AAK1: variants seen among roughly 807,000 people sequenced by gnomAD.
The protein encoded by AAK1 is AP2-associated protein kinase 1.
AAK1 carries 37 observed loss-of-function variants against 116.0 expected under a neutral mutation model. That is an observed-to-expected ratio of 0.32 (90% CI 0.25 to 0.42). The LOEUF is 0.42. Ranked by LOEUF, AAK1 falls within the 10% of genes least tolerant of loss-of-function variation. The pLI, the probability that AAK1 is intolerant of heterozygous loss-of-function variation, is 1.00. For synonymous variants in AAK1, 458 were observed against 439.9 expected (o/e 1.04, Z -0.51); for missense variants, 919 against 1,170.6 (o/e 0.79, Z 3.14).
intron 13 of AAK1, among the ~76,000 whole-genome samples, chr2:69,511,171 A>G (rs1676381007): frequency 6.6e-6 from 1 of 152,182 alleles, no homozygotes; most frequent in South Asian, 2.1e-4. Flanking sequence ...TTGCTGCTCC[A>G]TGCTGCAACT....
intron 2 of AAK1, among the ~76,000 whole-genome samples, chr2:69,558,739 T>C (rs13015661): frequency 0.53 from 80,294 of 152,030 alleles, 23,115 homozygotes; most frequent in East Asian, 0.77. Context: ...GACATAGTAC[T>C]GGGTTAGGAG....
At chr2:69,484,889 T>A (rs963466750) in intron 17 of AAK1, among the ~76,000 whole-genome samples, 3 of 144,754 alleles carry the variant, frequency 2.1e-5, no homozygotes, top group South Asian at 2.2e-4. Flanking sequence ...ATAATAATAA[T>A]AAATAAAAAC....
At chr2:69,545,258 C>A (rs1041012806) in intron 3 of AAK1, among the ~76,000 whole-genome samples, 5 of 152,138 alleles carry the variant, frequency 3.3e-5, no homozygotes, top group African/African-American at 9.7e-5. Context: ...CATCTAGGAA[C>A]TGGAAGTGGC....
chr2:69,517,095 T>C (rs1676614500), intron 12 of AAK1: 1 of 152,086 alleles, frequency 6.6e-6, no homozygotes, highest in African/African-American at 2.4e-5. Context: ...ATCAAATATG[T>C]TAAAATCTAA....
In AAK1 at chr2:69,571,271, C is replaced by T. The variant is rs528642117; in HGVS notation, c.164-14293G>A. 2.6e-5 allele frequency among the ~76,000 whole-genome samples: 4 copies of T among 152,220 alleles called. No homozygotes were observed. In the East Asian group the frequency reaches 5.8e-4, roughly 22 times the overall value. On this transcript the variant is annotated intron_variant, in intron 2 of 21. Coordinates refer to ENST00000409085, the MANE Select transcript of AAK1 (RefSeq NM_014911.5). Reference sequence around the variant, plus strand: ...TGGAGTGCATTCTCCCTTGAGAATCCGAAGTGATGACCTAGGAACTGTAAT... The same window carrying T: ...TGGAGTGCATTCTCCCTTGAGAATCTGAAGTGATGACCTAGGAACTGTAAT...
intron 2 of AAK1, among the ~76,000 whole-genome samples, chr2:69,572,620 TAAAA>T (rs768419313): frequency 3.7e-4 from 40 of 106,866 alleles, no homozygotes; most frequent in Middle Eastern, 4.6e-3. Flanking sequence ...ACTCTGTCTT[TAAAA>T]AAAAAAAAAA....
chr2:69,592,399 C>T (rs1221889009), intron 2 of AAK1, among the ~76,000 whole-genome samples: 1 of 152,118 alleles, frequency 6.6e-6, no homozygotes, highest in African/African-American at 2.4e-5. Context: ...TCAAGGGATG[C>T]CAACATCCTA....
chr2:69,487,891 G>A (rs1299403632), intron 17 of AAK1, among the ~76,000 whole-genome samples: 1 of 150,106 alleles, frequency 6.7e-6, no homozygotes, highest in African/African-American at 2.4e-5. Flanking sequence ...CTAGGTTCAA[G>A]CAATTCTCCC....
chr2:69,532,067 G>A lies in AAK1; in HGVS notation c.630C>T (p.Val210=), dbSNP rs780703727. The A allele has an allele frequency of 6.2e-7, 1 of 1,613,504 alleles. No individual in the cohort carries two copies. Among genetic ancestry groups the A allele is most frequent in the Non-Finnish European group, 8.5e-7 (1 of 1,179,548 alleles). ...NKFQNPQTEG[V]NAVEDEIKKY... ...TCTTAATCTCATCTTCTACTGCATTGACTCCCTCAGTTTGTGGATTCTGGA... is the reference window on the plus strand; with the variant it reads ...TCTTAATCTCATCTTCTACTGCATTAACTCCCTCAGTTTGTGGATTCTGGA... Residue 210 remains valine, a synonymous_variant, in exon 6 of 22, where the codon GTC becomes GTT. Transcript: ENST00000409085.
rs1027927756 is a variant in AAK1 at position 69,468,053 on chromosome 2, G to T, written c.*7816C>A. On this transcript the variant is annotated 3_prime_UTR_variant, in exon 22 of 22. Coordinates refer to ENST00000409085, the MANE Select transcript of AAK1 (RefSeq NM_014911.5). ...CGTTCAGTGAATTCCAGATTGGGGC[G>T]TTAAGTTAAATTCTGTACTGGTGCC... 6 of 985,240 alleles carry T rather than the reference G, an allele frequency of 6.1e-6. No individual in the cohort carries two copies. The highest frequency in any genetic ancestry group is 7.2e-6 in the Non-Finnish European group (6 of 829,912). 61.0% of individuals were successfully genotyped at this position (985,240 alleles called of 1,614,324 possible). A position where few individuals can be genotyped will look rare whatever the true frequency, so the allele number is the denominator to read the frequency against.
intron 5 of AAK1, among the ~76,000 whole-genome samples, chr2:69,537,632 C>T (rs945857607): frequency 3.3e-5 from 5 of 152,204 alleles, no homozygotes; most frequent in African/African-American, 1.2e-4. Context: ...ACTGCTAGGA[C>T]TGTGGTGGCT....
intron 12 of AAK1, among the ~76,000 whole-genome samples, chr2:69,517,778 C>CAAA (rs899762249): frequency 3.5e-5 from 2 of 57,536 alleles, no homozygotes; most frequent in Non-Finnish European, 7.6e-5. Flanking sequence ...TGACAAAAAG[C>CAAA]AAAAAAAAAA....
chr2:69,465,803 G>C lies in AAK1; in HGVS notation c.*10066C>G, dbSNP rs1050279595. On this transcript the variant is annotated 3_prime_UTR_variant, in exon 22 of 22. Coordinates refer to ENST00000409085, the MANE Select transcript of AAK1 (RefSeq NM_014911.5). ...CTGCTTGTACAGAATGGGACAGGAG[G>C]TTAGACTGTTGCACAAAACCAGCTG... 6 of 1,290,736 alleles carry C rather than the reference G, an allele frequency of 4.6e-6. No homozygotes were observed. The African/African-American group carries it at 9.1e-5, about 20-fold the overall frequency. The allele number at this position is 1,290,736 out of a possible 1,614,324, so 80.0% of individuals were successfully genotyped here. A position where few individuals can be genotyped will look rare whatever the true frequency, so the allele number is the denominator to read the frequency against.
Position 69,473,426 on chromosome 2 carries a change from T to C in AAK1, c.*2443A>G. 1.0e-6 allele frequency: 1 copy of C among 985,464 alleles called. No homozygotes were observed. Among genetic ancestry groups the C allele is most frequent in the African/African-American group, 1.7e-5 (1 of 57,372 alleles). The allele number at this position is 985,464 out of a possible 1,614,324, so 61.0% of individuals were successfully genotyped here. On this transcript the variant is annotated 3_prime_UTR_variant, in exon 22 of 22. Coordinates refer to ENST00000409085, the MANE Select transcript of AAK1 (RefSeq NM_014911.5). The stretch of plus-strand genomic sequence containing the variant: ...AAGGCTCCGTTTACCAAAGCACTCA[T>C]ATGTGTTCCTTAACAGAAAAATAGT...
chr2:69,518,437 G>A (rs531458468), intron 12 of AAK1, among the ~76,000 whole-genome samples: 28 of 77,792 alleles, frequency 3.6e-4, no homozygotes, highest in African/African-American at 1.3e-3. Context: ...TTTTTTTTTT[G>A]AGACAGAGTC....
At chr2:69,494,713 G>A (rs994404747) in intron 17 of AAK1, among the ~76,000 whole-genome samples, 2 of 152,102 alleles carry the variant, frequency 1.3e-5, no homozygotes, top group South Asian at 2.1e-4. Flanking sequence ...GGAAAAAAGC[G>A]CCTCTATTTC....
chr2:69,546,738 G>A (rs1198942484), intron 3 of AAK1, among the ~76,000 whole-genome samples: 5 of 152,120 alleles, frequency 3.3e-5, no homozygotes, highest in Non-Finnish European at 4.4e-5. Flanking sequence ...ATTAAGAGGT[G>A]GGGCCTTTAG....
At position 69,467,472 on chromosome 2, in the gene AAK1, G is replaced by T; in HGVS notation, c.*8397C>A. On this transcript the variant is annotated 3_prime_UTR_variant, in exon 22 of 22. Transcript: ENST00000409085. ...GTCATTGGGCACATGTTAGCAAGAG[G>T]GCAGGAAAAAGGCATATGTAACTAA... The T allele has an allele frequency of 2.0e-6, 2 of 985,312 alleles. No individual in the cohort carries two copies. Among genetic ancestry groups the T allele is most frequent in the Non-Finnish European group, 2.4e-6 (2 of 829,908 alleles). 61.0% of individuals were successfully genotyped at this position (985,312 alleles called of 1,614,324 possible).
chr2:69,586,756 A>G (rs1369606310), intron 2 of AAK1, among the ~76,000 whole-genome samples: 1 of 152,178 alleles, frequency 6.6e-6, no homozygotes, highest in African/African-American at 2.4e-5. Flanking sequence ...TAGACACAGA[A>G]AAGTTTCTCA....
Sources: allele counts gnomAD v4.1 joint callset (sites outside exome capture counted in the v4.1 genomes callset), GRCh38; gene constraint gnomAD v4.1.1; transcripts MANE v1.5; gene names NCBI Gene and HGNC (gene_info 2026-07-23, HGNC 2026-07-21).